PDE4D: variants seen among roughly 807,000 people sequenced by gnomAD.
The protein encoded by PDE4D is phosphodiesterase 4D.
In PDE4D, 24 loss-of-function variants were observed where a neutral mutation model predicts 87.4. The observed-to-expected ratio is 0.27, with a 90% CI of 0.20 to 0.39. The LOEUF is 0.39. Among genes scored for constraint, PDE4D ranks in the 10% least tolerant of loss-of-function variants. The pLI is 1.00. For missense variants in PDE4D, 714 were observed against 1,041.0 expected (o/e 0.69, Z 4.32); for synonymous variants, 384 against 383.2 (o/e 1.00, Z -0.02).
chr5:60,050,007 C>A (rs1314833152), intron 2 of PDE4D, among the ~76,000 whole-genome samples: 2 of 152,208 alleles, frequency 1.3e-5, no homozygotes, highest in African/African-American at 4.8e-5. Flanking sequence ...GCTGTGCTAG[C>A]AATCAGCGAG....
chr5:59,492,870 T>C (rs1421733921), intron 1 of PDE4D, among the ~76,000 whole-genome samples: 1 of 152,170 alleles, frequency 6.6e-6, no homozygotes, highest in Non-Finnish European at 1.5e-5. Flanking sequence ...GGAGTTCCCC[T>C]GCACAAGCTC....
intron 1 of PDE4D, among the ~76,000 whole-genome samples, chr5:59,889,027 G>A (rs1281921786): frequency 6.6e-6 from 1 of 151,924 alleles, no homozygotes; most frequent in Non-Finnish European, 1.5e-5. Flanking sequence ...AGGAGTTTGA[G>A]ACCAGCTTGG....
chr5:59,880,938 CA>C (rs1346538091), intron 1 of PDE4D, among the ~76,000 whole-genome samples: 1 of 152,010 alleles, frequency 6.6e-6, no homozygotes. Flanking sequence ...TATTCCATGT[CA>C]ACAGAAGTAA....
intron 1 of PDE4D, among the ~76,000 whole-genome samples, chr5:59,704,284 C>T (rs1753052920): frequency 6.6e-6 from 1 of 152,128 alleles, no homozygotes. Context: ...TCTCATCTCC[C>T]CAAAGCCCAG....
intron 1 of PDE4D, among the ~76,000 whole-genome samples, chr5:60,367,537 G>C (rs1760664175): frequency 6.6e-6 from 1 of 151,580 alleles, no homozygotes; most frequent in Non-Finnish European, 1.5e-5. Flanking sequence ...CCCAAACTAG[G>C]TCATCTTTCC....
chr5:60,442,912 G>T (rs1367113746), intron 1 of PDE4D, among the ~76,000 whole-genome samples: 4 of 152,106 alleles, frequency 2.6e-5, no homozygotes, highest in African/African-American at 9.7e-5. Context: ...GAGCTTTCCA[G>T]AAACAGTAGA....
At chr5:59,376,674 G>T (rs1410320967) in intron 1 of PDE4D, among the ~76,000 whole-genome samples, 2 of 152,068 alleles carry the variant, frequency 1.3e-5, no homozygotes, top group Non-Finnish European at 2.9e-5. Context: ...CACAGAACTA[G>T]AAAAAACTAT....
At chr5:59,364,642 G>T (rs1281523560) in intron 1 of PDE4D, among the ~76,000 whole-genome samples, 2 of 152,142 alleles carry the variant, frequency 1.3e-5, no homozygotes, top group African/African-American at 2.4e-5. Flanking sequence ...GCACTGGATG[G>T]TGAAATGCAT....
At chr5:59,876,412 G>A (rs1411267865) in intron 1 of PDE4D, among the ~76,000 whole-genome samples, 1 of 152,132 alleles carries the variant, frequency 6.6e-6, no homozygotes. Context: ...CCTGGTAAGT[G>A]CTACCATCAC....
intron 1 of PDE4D, among the ~76,000 whole-genome samples, chr5:60,474,146 AT>A (rs1748118685): frequency 1.0e-5 from 1 of 99,216 alleles, no homozygotes; most frequent in African/African-American, 6.7e-5. Flanking sequence ...ATATATATAT[AT>A]ATAACAAAAA....
chr5:60,189,921 C>T (rs1785073645), intron 1 of PDE4D, among the ~76,000 whole-genome samples: 1 of 152,206 alleles, frequency 6.6e-6, no homozygotes, highest in Admixed American at 6.5e-5. Flanking sequence ...TTAGCTCTGT[C>T]TCTAACTTAC....
At chr5:60,213,247 C>T (rs1262235113) in intron 1 of PDE4D, among the ~76,000 whole-genome samples, 3 of 152,138 alleles carry the variant, frequency 2.0e-5, no homozygotes, top group Admixed American at 6.5e-5. Context: ...CAGACAGAAG[C>T]GAAGCAGGGG....
intron 2 of PDE4D, among the ~76,000 whole-genome samples, chr5:60,146,834 TAA>T (rs1781038818): frequency 6.6e-6 from 1 of 152,120 alleles, no homozygotes; most frequent in Non-Finnish European, 1.5e-5. Context: ...AGACATTTCT[TAA>T]AAGACATACA....
Position 59,573,038 on chromosome 5 carries a change from A to C in PDE4D, c.455+320130T>G, listed in dbSNP as rs934701301. 3.3e-5 allele frequency among the ~76,000 whole-genome samples: 5 copies of C among 152,198 alleles called. No homozygotes were observed. The East Asian group carries it at 9.6e-4, about 29-fold the overall frequency. The stretch of plus-strand genomic sequence containing the variant: ...CCCTGATCCATCAAATTGTTTATCC[A>C]ATGGACACGGGGATTTGTGTTTAAG... On this transcript the variant is annotated intron_variant, in intron 1 of 14. Transcript: ENST00000340635.
At chr5:59,504,935 TGTGTGCGTGC>T (rs1808971718) in intron 1 of PDE4D, among the ~76,000 whole-genome samples, 13 of 144,856 alleles carry the variant, frequency 9.0e-5, no homozygotes, top group Non-Finnish European at 1.5e-4. Context: ...TGTGTGTGTG[TGTGTGCGTGC>T]GCGTGTGTTT....
intron 3 of PDE4D, among the ~76,000 whole-genome samples, chr5:59,914,095 T>C (rs550276541): frequency 2.1e-4 from 32 of 152,092 alleles, no homozygotes; most frequent in African/African-American, 7.0e-4. Flanking sequence ...TGCAAACAGC[T>C]GTTAAATGAT....
intron 1 of PDE4D, among the ~76,000 whole-genome samples, chr5:59,514,312 A>G (rs1232610777): frequency 2.0e-5 from 3 of 151,988 alleles, no homozygotes; most frequent in Admixed American, 6.6e-5. Flanking sequence ...TCACCGTGTT[A>G]GCCAGGATGG....
intron 1 of PDE4D, among the ~76,000 whole-genome samples, chr5:59,317,408 TTAGA>T (rs1298663839): frequency 1.3e-5 from 2 of 152,136 alleles, no homozygotes; most frequent in African/African-American, 4.8e-5. Flanking sequence ...ATTGCTGCAC[TTAGA>T]TAGTAGTAAC....
At position 60,058,674 on chromosome 5, in the gene PDE4D, AG is replaced by A. The variant is rs564672211; in HGVS notation, c.43-69958del. Among the ~76,000 whole-genome samples the A allele has an allele frequency of 1.9e-3, 290 of 152,074 alleles. 2 individuals carry two copies. Among genetic ancestry groups the A allele is most frequent in the African/African-American group, 6.4e-3 (265 of 41,550 alleles). The stretch of plus-strand genomic sequence containing the variant: ...TGAGAGTTGTTTAAAAAATCATAAA[AG>A]TTAGAATATCCCCATAATCATGTAC... On this transcript the variant is annotated intron_variant, in intron 2 of 16. Transcript: ENST00000502484.
Sources: allele counts gnomAD v4.1 joint callset (sites outside exome capture counted in the v4.1 genomes callset), GRCh38; gene constraint gnomAD v4.1.1; transcripts MANE v1.5; gene names NCBI Gene and HGNC (gene_info 2026-07-23, HGNC 2026-07-21).